The following RNF115 variants were observed in gnomAD, a reference collection of about 807,000 sequenced individuals.
RNF115 encodes the protein E3 ubiquitin-protein ligase RNF115.
Under a neutral mutation model 39.2 loss-of-function variants are expected in RNF115, and 31 were observed. That is an observed-to-expected ratio of 0.79 (90% CI 0.59 to 1.07). RNF115 has a LOEUF of 1.07. Ranked by LOEUF, RNF115 falls within the 50% of genes least tolerant of loss-of-function variation. RNF115 has a pLI of 0.00. For synonymous variants in RNF115, 124 were observed against 131.0 expected (o/e 0.95, Z 0.37); for missense variants, 384 against 381.7 (o/e 1.01, Z -0.05).
intron 8 of RNF115, 93 bp downstream of exon 8, chr1:145,747,902 G>T: frequency 1.1e-6 from 1 of 882,586 alleles, no homozygotes; most frequent in Non-Finnish European, 1.9e-6. Context: ...GGATTTATGG[G>T]ATAAAATCTG....
intron 1 of RNF115, among the ~76,000 whole-genome samples, chr1:145,791,293 C>A (rs183092473): frequency 4.4e-4 from 67 of 151,490 alleles, no homozygotes; most frequent in African/African-American, 1.6e-3. Context: ...AGGCAGATCA[C>A]CTGAGGTCGG....
chr1:145,767,970 C>A (rs1204681299), intron 4 of RNF115, among the ~76,000 whole-genome samples: 2 of 151,858 alleles, frequency 1.3e-5, no homozygotes, highest in Non-Finnish European at 2.9e-5. Context: ...GAGACCATGG[C>A]AAGAGAGGGA....
chr1:145,760,186 C>T (rs1452082578), intron 4 of RNF115, among the ~76,000 whole-genome samples: 1 of 151,986 alleles, frequency 6.6e-6, no homozygotes, highest in African/African-American at 2.4e-5. Flanking sequence ...ACCTGTAATC[C>T]CAGCACATTG....
intron 3 of RNF115, among the ~76,000 whole-genome samples, chr1:145,782,635 C>T (rs1553717592): frequency 1.3e-5 from 2 of 152,174 alleles, no homozygotes; most frequent in Non-Finnish European, 1.5e-5. Flanking sequence ...ATTTGTTTTT[C>T]TTCTTACTCA....
chr1:145,749,273 C>G (rs1351903133), intron 7 of RNF115, among the ~76,000 whole-genome samples: 1 of 152,186 alleles, frequency 6.6e-6, no homozygotes, highest in Non-Finnish European at 1.5e-5. Context: ...TCTGCTGCAA[C>G]AGCCTCCCAG....
intron 3 of RNF115, among the ~76,000 whole-genome samples, chr1:145,780,787 T>G (rs1185537353): frequency 6.6e-6 from 1 of 152,128 alleles, no homozygotes; most frequent in East Asian, 1.9e-4. Flanking sequence ...AGAGCTCTTT[T>G]TTCCAGAAAG....
intron 2 of RNF115, among the ~76,000 whole-genome samples, chr1:145,787,571 CAAAA>C (rs1192063003): frequency 9.0e-5 from 8 of 88,888 alleles, no homozygotes; most frequent in Non-Finnish European, 1.3e-4. Flanking sequence ...GACTCCGTCA[CAAAA>C]AAAAAAAAAA....
At chr1:145,768,211 G>A (rs907206930) in intron 4 of RNF115, among the ~76,000 whole-genome samples, 12 of 152,252 alleles carry the variant, frequency 7.9e-5, no homozygotes, top group African/African-American at 2.9e-4. Flanking sequence ...CATCCCCTGG[G>A]CTCACAGGAG....
intron 2 of RNF115, among the ~76,000 whole-genome samples, chr1:145,786,460 C>T (rs1553718103): frequency 6.6e-6 from 1 of 152,110 alleles, no homozygotes; most frequent in African/African-American, 2.4e-5. Flanking sequence ...CTCTTTCAAA[C>T]CACAGAGTCT....
intron 6 of RNF115, among the ~76,000 whole-genome samples, chr1:145,751,002 A>G (rs1553712397): frequency 1.3e-5 from 2 of 152,228 alleles, no homozygotes; most frequent in African/African-American, 4.8e-5. Flanking sequence ...TAAAATGAAC[A>G]TAAACAAGTG....
At position 145,823,969 on chromosome 1, in the gene RNF115, T is replaced by A. The variant is rs2101623615; in HGVS notation, c.-96A>T. 1.1e-6 allele frequency: 1 copy of A among 883,700 alleles called. No individual in the cohort carries two copies. The highest frequency in any genetic ancestry group is 3.3e-5 in the East Asian group (1 of 29,926). 54.7% of individuals were successfully genotyped at this position (883,700 alleles called of 1,614,324 possible). On this transcript the variant is annotated 5_prime_UTR_variant, in exon 1 of 9. Coordinates refer to ENST00000582693, the MANE Select transcript of RNF115 (RefSeq NM_014455.4). ...TGCAGTCGTCGCCGCCGCCGCCGCC[T>A]CGGTGCGGCCCACCGCTTCAGAGCC...
In RNF115 at chr1:145,746,667, A is replaced by G; in HGVS notation, c.*199T>C. 1 of 547,516 alleles carries G rather than the reference A, an allele frequency of 1.8e-6. No homozygotes were observed. Among genetic ancestry groups the G allele is most frequent in the Non-Finnish European group, 3.2e-6 (1 of 314,334 alleles). The allele number at this position is 547,516 out of a possible 1,614,324, so 33.9% of individuals were successfully genotyped here. ...AATTATCACTCTGAATTCAGGGATA[A>G]GAGGCATTTGGTTGTAGATACAATT... On this transcript the variant is annotated 3_prime_UTR_variant, in exon 9 of 9. Transcript: ENST00000582693.
intron 3 of RNF115, among the ~76,000 whole-genome samples, chr1:145,781,604 G>C (rs1648150646): frequency 6.6e-6 from 1 of 152,138 alleles, no homozygotes; most frequent in Non-Finnish European, 1.5e-5. Context: ...TACACACCTA[G>C]CATGTATTAA....
chr1:145,775,166 G>A (rs1553716344), intron 3 of RNF115, among the ~76,000 whole-genome samples: 1 of 152,120 alleles, frequency 6.6e-6, no homozygotes, highest in African/African-American at 2.4e-5. Context: ...AGGATCACTT[G>A]AACCCAGGAT....
chr1:145,773,218 T>C (rs1239390197), intron 3 of RNF115: 3 of 152,306 alleles, frequency 2.0e-5, no homozygotes, highest in Admixed American at 6.5e-5. Flanking sequence ...CTCGGGGTAG[T>C]TTCTGTTCAT....
At chr1:145,789,945 G>A (rs1005879830) in intron 1 of RNF115, among the ~76,000 whole-genome samples, 49 of 151,746 alleles carry the variant, frequency 3.2e-4, no homozygotes, top group African/African-American at 9.9e-4. Flanking sequence ...CGATCCACCC[G>A]CCTCGGCCTC....
At chr1:145,756,521 A>G (rs1553713195) in intron 4 of RNF115, among the ~76,000 whole-genome samples, 1 of 152,066 alleles carries the variant, frequency 6.6e-6, no homozygotes, top group African/African-American at 2.4e-5. Flanking sequence ...GAATCATTCA[A>G]TTAGAAAATC....
At chr1:145,793,797 C>T (rs1648797908) in intron 1 of RNF115, among the ~76,000 whole-genome samples, 1 of 152,128 alleles carries the variant, frequency 6.6e-6, no homozygotes, top group South Asian at 2.1e-4. Flanking sequence ...GCTACCTTAA[C>T]CCAAGCCAGC....
At chr1:145,777,790 G>A (rs782721893) in intron 3 of RNF115, among the ~76,000 whole-genome samples, 1 of 152,116 alleles carries the variant, frequency 6.6e-6, no homozygotes, top group Non-Finnish European at 1.5e-5. Flanking sequence ...TAAGTATAAT[G>A]ACAGTATTTC....
Sources: allele counts gnomAD v4.1 joint callset (sites outside exome capture counted in the v4.1 genomes callset), GRCh38; gene constraint gnomAD v4.1.1; transcripts MANE v1.5; gene names NCBI Gene and HGNC (gene_info 2026-07-23, HGNC 2026-07-21).